The following SEMA3A variants were observed in gnomAD, a reference collection of about 807,000 sequenced individuals.
SEMA3A encodes the protein semaphorin 3A.
In SEMA3A, 29 loss-of-function variants were observed where a neutral mutation model predicts 97.9. The ratio of observed to expected loss-of-function variants is 0.30; its 90% CI spans 0.22 to 0.40. The LOEUF (loss-of-function observed/expected upper bound fraction) is 0.40, where lower values mean the gene tolerates loss of function less well. Among genes scored for constraint, SEMA3A ranks in the 10% least tolerant of loss-of-function variants. SEMA3A has a pLI of 1.00. For synonymous variants in SEMA3A, 321 were observed against 323.7 expected, an observed-to-expected ratio of 0.99 and a Z score of 0.09; for missense variants, 763 against 951.3, an observed-to-expected ratio of 0.80 and a Z score of 2.60.
intron 3 of SEMA3A, among the ~76,000 whole-genome samples, chr7:84,117,513 C>T (rs112151658): frequency 2.0e-5 from 3 of 152,268 alleles, no homozygotes; most frequent in East Asian, 1.9e-4. Flanking sequence ...AGCAGCAGGC[C>T]GGCCAGCACT....
At chr7:84,431,093 G>A (rs987042385) in intron 1 of SEMA3A, among the ~76,000 whole-genome samples, 1 of 151,896 alleles carries the variant, frequency 6.6e-6, no homozygotes, top group Admixed American at 6.6e-5. Flanking sequence ...TTTCCCAAGA[G>A]TCACTTGATA....
intron 3 of SEMA3A, among the ~76,000 whole-genome samples, chr7:84,228,269 A>AT (rs894224884): frequency 1.3e-5 from 2 of 152,084 alleles, no homozygotes; most frequent in African/African-American, 2.4e-5. Context: ...CTTAACCAAG[A>AT]TTGAATCAAA....
chr7:84,198,218 G>C (rs1055396288), upstream of SEMA3A, among the ~76,000 whole-genome samples: 4 of 150,112 alleles, frequency 2.7e-5, no homozygotes, highest in Non-Finnish European at 4.4e-5. Context: ...TTGTGGAGAC[G>C]GAGTTTTGCT....
In SEMA3A at chr7:84,080,378, T is replaced by TA. The variant is rs200289253; in HGVS notation, c.454-19821dup. On this transcript the variant is annotated intron_variant, in intron 4 of 16. Transcript: ENST00000265362. ...AATAACAAGAAAAAAAGAGACTACCTAAAAAAAAATAAAAAATTATACCGT... is the reference window on the plus strand; with the variant it reads ...AATAACAAGAAAAAAAGAGACTACCTAAAAAAAAAATAAAAAATTATACCGT... Among the ~76,000 whole-genome samples the TA allele has an allele frequency of 4.0e-5, 6 of 150,538 alleles. No individual in the cohort carries two copies. The East Asian group carries it at 5.8e-4, about 15-fold the overall frequency.
chr7:84,263,321 CTG>C (rs1280863417), intron 3 of SEMA3A, among the ~76,000 whole-genome samples: 3 of 152,180 alleles, frequency 2.0e-5, no homozygotes, highest in African/African-American at 7.2e-5. Context: ...ACTTGGAAAA[CTG>C]TGTAGGTAGT....
intron 2 of SEMA3A, among the ~76,000 whole-genome samples, chr7:84,353,237 G>T (rs1802477130): frequency 6.6e-6 from 1 of 151,670 alleles, no homozygotes; most frequent in Admixed American, 6.6e-5. Flanking sequence ...TGGTCCCGAA[G>T]TATTTTTGAT....
At chr7:84,105,277 A>G (rs3801629) in intron 4 of SEMA3A, among the ~76,000 whole-genome samples, 64,457 of 151,976 alleles carry the variant, frequency 0.42, 14,847 homozygotes, top group Admixed American at 0.52. Flanking sequence ...AATGGGTTAG[A>G]TTAGAAGTAT....
intron 2 of SEMA3A, among the ~76,000 whole-genome samples, chr7:84,314,790 G>A (rs1801452276): frequency 6.6e-6 from 1 of 152,066 alleles, no homozygotes; most frequent in Admixed American, 6.6e-5. Flanking sequence ...ATTTTATACT[G>A]TGTCTGCCTT....
chr7:84,314,736 G>C (rs979337802), intron 2 of SEMA3A, among the ~76,000 whole-genome samples: 1 of 152,166 alleles, frequency 6.6e-6, no homozygotes, highest in East Asian at 1.9e-4. Flanking sequence ...AGAGACAATA[G>C]TCACTTTTGC....
chr7:84,248,327 C>T lies in SEMA3A; in HGVS notation c.-82-53659G>A, dbSNP rs576746232. Among the ~76,000 whole-genome samples, 7 of 152,226 alleles carry T rather than the reference C, an allele frequency of 4.6e-5. No homozygotes were observed. In the South Asian group the frequency reaches 8.3e-4, roughly 18 times the overall value. ...GGATTTTTTTAAGGTACTTCAAATT[C>T]TTGACCATGCCACTCTGACAAATTA... On this transcript the variant is annotated intron_variant, in intron 3 of 3. Coordinates refer to the SEMA3A transcript ENST00000424555.
intron 4 of SEMA3A, among the ~76,000 whole-genome samples, chr7:84,081,319 G>A (rs887961226): frequency 2.6e-5 from 4 of 151,956 alleles, no homozygotes; most frequent in South Asian, 2.1e-4. Flanking sequence ...AGGGCCGGGC[G>A]CGGTGGCTCA....
intron 9 of SEMA3A, among the ~76,000 whole-genome samples, chr7:84,009,905 CAAAA>C (rs3074687): frequency 6.5e-5 from 6 of 91,702 alleles, no homozygotes; most frequent in East Asian, 3.1e-4. Context: ...ACACTGGTTA[CAAAA>C]AAAAAAAAAA....
chr7:84,085,598 G>A (rs1179239463), intron 4 of SEMA3A, among the ~76,000 whole-genome samples: 1 of 151,986 alleles, frequency 6.6e-6, no homozygotes, highest in Non-Finnish European at 1.5e-5. Flanking sequence ...AAATAAAAAT[G>A]TCTGTTAACA....
chr7:84,173,242 A>G (rs888880086), intron 1 of SEMA3A, among the ~76,000 whole-genome samples: 1 of 152,110 alleles, frequency 6.6e-6, no homozygotes, highest in Non-Finnish European at 1.5e-5. Context: ...AGAATCTTCT[A>G]TTGAACCCTC....
intron 6 of SEMA3A, among the ~76,000 whole-genome samples, chr7:84,024,297 T>A (rs538861496): frequency 6.6e-6 from 1 of 152,092 alleles, no homozygotes; most frequent in African/African-American, 2.4e-5. Flanking sequence ...CCCGGCACCA[T>A]GGGGAGGCCA....
chr7:84,227,015 G>A (rs1212767759), intron 3 of SEMA3A, among the ~76,000 whole-genome samples: 2 of 152,040 alleles, frequency 1.3e-5, no homozygotes, highest in Non-Finnish European at 2.9e-5. Flanking sequence ...GAGCAGCTAT[G>A]CTGTACAAGG....
intron 13 of SEMA3A, among the ~76,000 whole-genome samples, chr7:83,983,649 C>T (rs1022420730): frequency 1.3e-5 from 2 of 152,040 alleles, no homozygotes; most frequent in African/African-American, 4.8e-5. Context: ...ATAAATCAGT[C>T]ATGTTCATTT....
intron 2 of SEMA3A, among the ~76,000 whole-genome samples, chr7:84,351,133 A>G (rs1802428729): frequency 6.6e-6 from 1 of 152,046 alleles, no homozygotes; most frequent in African/African-American, 2.4e-5. Flanking sequence ...TTTTTGAGAT[A>G]CGCATCAGAA....
chr7:83,961,691 C>T lies in SEMA3A; in HGVS notation c.1996G>A (p.Glu666Lys), dbSNP rs1240956148. The T allele has an allele frequency of 6.2e-7, 1 of 1,613,688 alleles. No homozygotes were observed. Among genetic ancestry groups the T allele is most frequent in the Non-Finnish European group, 8.5e-7 (1 of 1,179,822 alleles). ...FIQTLLKVTL[E>K]VIDTEHLEEL... ...TCCAAATGCTCTGTGTCAATGACTT[C>T]CAGGGTTACCTTAAGAAGAGTTTGT... Residue 666 changes from glutamate to lysine, a missense_variant, in exon 17 of 17, where the codon GAA (glutamate) becomes AAA (lysine). Around this residue, in one of 2 missense-constraint regions of SEMA3A, gnomAD observed 678 missense variants for 881.3 expected, o/e 0.77. Transcript: ENST00000265362.
Sources: gnomAD v4.1 joint callset for allele counts (sites outside exome capture counted in the v4.1 genomes callset) on GRCh38, gnomAD v4.1.1 for gene constraint, gnomAD v4.1.1 regional missense constraint, MANE v1.5 for transcripts, NCBI Gene and HGNC (gene_info 2026-07-23, HGNC 2026-07-21) for gene names.